DOCK2: variants seen among roughly 807,000 people sequenced by gnomAD.
The protein encoded by DOCK2 is dedicator of cytokinesis 2.
A neutral mutation model predicts 248.9 loss-of-function variants in DOCK2; 87 were observed. The observed-to-expected ratio is 0.35, with a 90% CI of 0.29 to 0.42. The LOEUF (loss-of-function observed/expected upper bound fraction) is 0.42, where lower values mean the gene tolerates loss of function less well. DOCK2 is among the 10% of genes least tolerant of loss of function. The probability of loss-of-function intolerance (pLI) is 1.00; values close to 1 mark genes in which losing one functional copy is unlikely to be tolerated. For synonymous variants in DOCK2, 805 were observed against 821.6 expected (o/e 0.98, Z 0.35); for missense variants, 1,747 against 2,300.2 (o/e 0.76, Z 4.92).
At chr5:169,796,174 C>T (rs981991637) in intron 25 of DOCK2, among the ~76,000 whole-genome samples, 2 of 152,138 alleles carry the variant, frequency 1.3e-5, no homozygotes, top group African/African-American at 2.4e-5. Context: ...AACCCTCTTC[C>T]CCAACACTAA....
intron 27 of DOCK2, among the ~76,000 whole-genome samples, chr5:169,891,037 G>C (rs7715732): frequency 0.022 from 3,384 of 152,242 alleles, 111 homozygotes; most frequent in African/African-American, 0.071. Flanking sequence ...TTGAACACAA[G>C]CCACAACCCT....
Position 169,637,371 on chromosome 5 carries a change from T to A in DOCK2, c.43+2T>A. Reference sequence around the variant, plus strand: ...CTGACAAGGAGCGGCACGGCGTGGGTAGGTGCGGGCCCCAGGGCGCGGCAG... The same window carrying A: ...CTGACAAGGAGCGGCACGGCGTGGGAAGGTGCGGGCCCCAGGGCGCGGCAG... On this transcript the variant is annotated splice_donor_variant, in intron 1 of 51. Transcript: ENST00000520908. LOFTEE classifies it high-confidence loss of function. 7.0e-7 allele frequency: 1 copy of A among 1,420,838 alleles called. No individual in the cohort carries two copies. The highest frequency in any genetic ancestry group is 9.2e-7 in the Non-Finnish European group (1 of 1,087,478). 88.0% of individuals were successfully genotyped at this position (1,420,838 alleles called of 1,614,324 possible). A position where few individuals can be genotyped will look rare whatever the true frequency, so the allele number is the denominator to read the frequency against.
chr5:169,684,436 C>G, intron 8 of DOCK2, 86 bp downstream of exon 8: 1 of 1,489,206 alleles, frequency 6.7e-7, no homozygotes, highest in Admixed American at 1.9e-5. Flanking sequence ...ACTTGTGGAG[C>G]AATCTCCACC....
At chr5:169,654,593 T>C (rs1757995917) in intron 2 of DOCK2, 107 bp downstream of exon 2, 9 of 1,110,404 alleles carry the variant, frequency 8.1e-6, no homozygotes, top group Admixed American at 2.6e-5. Flanking sequence ...GTGTGGTCTA[T>C]TTAAAAACGT....
chr5:169,668,357 G>C (rs922448961), intron 2 of DOCK2, among the ~76,000 whole-genome samples: 2 of 151,996 alleles, frequency 1.3e-5, no homozygotes, highest in African/African-American at 4.8e-5. Context: ...ACGGCCCCCT[G>C]TTGCTTCAGA....
intron 24 of DOCK2, among the ~76,000 whole-genome samples, chr5:169,760,713 G>A (rs113406751): frequency 5.4e-4 from 82 of 152,220 alleles, no homozygotes; most frequent in African/African-American, 1.8e-3. Context: ...ACATCGCTGT[G>A]TATTGATTTG....
intron 44 of DOCK2, among the ~76,000 whole-genome samples, chr5:170,067,278 C>T (rs1034478792): frequency 7.5e-5 from 11 of 146,382 alleles, no homozygotes; most frequent in Non-Finnish European, 9.0e-5. Flanking sequence ...CTGACACTTC[C>T]TGCTTCTGCC....
intron 27 of DOCK2, chr5:169,980,874 A>G (rs1777916671): frequency 6.6e-6 from 1 of 152,186 alleles, no homozygotes; most frequent in Non-Finnish European, 1.5e-5. Context: ...TGTAGAGGCT[A>G]CAAGTTCCCA....
chr5:170,043,997 T>G (rs1018697091), intron 38 of DOCK2, among the ~76,000 whole-genome samples: 1 of 152,244 alleles, frequency 6.6e-6, no homozygotes, highest in Admixed American at 6.5e-5. Flanking sequence ...GGTGCCAAAG[T>G]ACTTTGAGAG....
intron 27 of DOCK2, among the ~76,000 whole-genome samples, chr5:169,912,683 T>C (rs1010176333): frequency 6.6e-6 from 1 of 152,046 alleles, no homozygotes; most frequent in Admixed American, 6.6e-5. Context: ...ATTATACCCA[T>C]AATGTATGAA....
At chr5:169,957,954 TA>T (rs1776933838) in intron 27 of DOCK2, among the ~76,000 whole-genome samples, 1 of 151,758 alleles carries the variant, frequency 6.6e-6, no homozygotes, top group African/African-American at 2.4e-5. Context: ...TGCGAGGGAG[TA>T]GGGCGTCAGG....
Position 169,890,776 on chromosome 5 carries a change from T to C in DOCK2, c.2799+49924T>C, listed in dbSNP as rs186396653. ...TTGTGAAATCTTGTTCTCATCTTTCTATATACCATGTTTGACTTTTTTGCA... is the reference window on the plus strand; with the variant it reads ...TTGTGAAATCTTGTTCTCATCTTTCCATATACCATGTTTGACTTTTTTGCA... On this transcript the variant is annotated intron_variant, in intron 27 of 51. Transcript: ENST00000520908. Among the ~76,000 whole-genome samples the C allele has an allele frequency of 4.4e-3, 671 of 152,302 alleles. 7 individuals carry two copies. The highest frequency in any genetic ancestry group is 0.015 in the African/African-American group (628 of 41,552).
chr5:170,036,629 C>T, intron 36 of DOCK2, 74 bp downstream of exon 36: 2 of 1,429,636 alleles, frequency 1.4e-6, no homozygotes, highest in South Asian at 1.3e-5. Flanking sequence ...TGGCTCCCTG[C>T]TGCCTTCAGG....
At chr5:169,728,179 G>A (rs1762588240) in intron 22 of DOCK2, among the ~76,000 whole-genome samples, 1 of 152,208 alleles carries the variant, frequency 6.6e-6, no homozygotes, top group African/African-American at 2.4e-5. Flanking sequence ...AAACCAGCAT[G>A]AGAAATACAG....
chr5:169,927,258 G>C (rs1775506912), intron 27 of DOCK2, among the ~76,000 whole-genome samples: 1 of 152,182 alleles, frequency 6.6e-6, no homozygotes, highest in Non-Finnish European at 1.5e-5. Context: ...AGAGGTAGAA[G>C]CAGCCAGATC....
At chr5:169,953,592 G>A (rs1368326841) in intron 27 of DOCK2, among the ~76,000 whole-genome samples, 1 of 152,112 alleles carries the variant, frequency 6.6e-6, no homozygotes, top group Non-Finnish European at 1.5e-5. Flanking sequence ...AGCATTAGAC[G>A]AGGCTGAGAG....
chr5:169,729,380 T>C (rs1762647882), intron 22 of DOCK2, among the ~76,000 whole-genome samples: 1 of 152,198 alleles, frequency 6.6e-6, no homozygotes, highest in African/African-American at 2.4e-5. Context: ...TTGTTATTTA[T>C]TGTGTCTTTG....
At chr5:170,037,480 A>ATTTTTTTTTTTTTTTTTTTTTTTTT (rs370462327) in intron 36 of DOCK2, among the ~76,000 whole-genome samples, 1 of 134,460 alleles carries the variant, frequency 7.4e-6, no homozygotes. Context: ...ACAAAAACAA[A>ATTTTTTTTTTTTTTTTTTTTTTTTT]TTTTTTTTTT....
At chr5:169,720,649 G>A (rs1452793773) in intron 22 of DOCK2, among the ~76,000 whole-genome samples, 2 of 152,162 alleles carry the variant, frequency 1.3e-5, no homozygotes, top group African/African-American at 4.8e-5. Context: ...ACACTGAGCG[G>A]CTCCCCTTCC....
Sources: allele counts gnomAD v4.1 joint callset (sites outside exome capture counted in the v4.1 genomes callset), GRCh38; gene constraint gnomAD v4.1.1; transcripts MANE v1.5; gene names NCBI Gene and HGNC (gene_info 2026-07-23, HGNC 2026-07-21).